ANKRD13D: variants seen among roughly 807,000 people sequenced by gnomAD.
ANKRD13D encodes ankyrin repeat domain-containing protein 13D.
ANKRD13D carries 24 observed loss-of-function variants against 68.8 expected under a neutral mutation model. The ratio of observed to expected loss-of-function variants is 0.35; its 90% CI spans 0.25 to 0.49. The LOEUF (loss-of-function observed/expected upper bound fraction) is 0.49, where lower values mean the gene tolerates loss of function less well. Ranked by LOEUF, ANKRD13D falls within the 20% of genes least tolerant of loss-of-function variation. The probability of loss-of-function intolerance (pLI) is 0.99; values close to 1 mark genes in which losing one functional copy is unlikely to be tolerated. For synonymous variants in ANKRD13D, 331 were observed against 336.1 expected, an observed-to-expected ratio of 0.98 and a Z score of 0.16; for missense variants, 735 against 832.1, an observed-to-expected ratio of 0.88 and a Z score of 1.44.
Position 67,299,364 on chromosome 11 carries a change from C to T in ANKRD13D, c.799-166C>T. On this transcript the variant is annotated intron_variant, in intron 7 of 14. Transcript: ENST00000511455. The surrounding 1 kb of genome is among the most constrained non-coding windows in gnomAD (Gnocchi z 6.2). ...GTTCCTCTTGACCCTGGGGCTGCAT[C>T]TCCTCGTTGGTGACTTCCTGGGGTT... The T allele has an allele frequency of 1.4e-6, 1 of 714,896 alleles. No homozygotes were observed. The highest frequency in any genetic ancestry group is 2.3e-6 in the Non-Finnish European group (1 of 426,548). The allele number at this position is 714,896 out of a possible 1,614,324, so 44.3% of individuals were successfully genotyped here.
chr11:67,302,474 C>T lies in ANKRD13D; in HGVS notation c.*142C>T. 7.8e-7 allele frequency: 1 copy of T among 1,288,864 alleles called. No individual in the cohort carries two copies. Among genetic ancestry groups the T allele is most frequent in the Non-Finnish European group, 1.0e-6 (1 of 971,182 alleles). The allele number at this position is 1,288,864 out of a possible 1,614,324, so 79.8% of individuals were successfully genotyped here. Reference sequence around the variant, plus strand: ...GGAGACTGAGATGGAAATAAAGAGACTGTCGCAGCAGGGCTGCTCTGCTCA... The same window carrying T: ...GGAGACTGAGATGGAAATAAAGAGATTGTCGCAGCAGGGCTGCTCTGCTCA... On this transcript the variant is annotated 3_prime_UTR_variant, in exon 15 of 15. Transcript: ENST00000511455.
chr11:67,293,062 G>C (rs918228050), intron 6 of ANKRD13D, among the ~76,000 whole-genome samples: 1 of 151,994 alleles, frequency 6.6e-6, no homozygotes, highest in Non-Finnish European at 1.5e-5. Flanking sequence ...TAGACATTTG[G>C]GTTATTTGCA....
chr11:67,290,570 G>C, intron 3 of ANKRD13D, 124 bp downstream of exon 3: 2 of 1,414,920 alleles, frequency 1.4e-6, no homozygotes, highest in South Asian at 2.8e-5. Flanking sequence ...CCAGCAAGGA[G>C]GTCTGTCTAT....
chr11:67,293,590 C>T (rs1433546406), intron 6 of ANKRD13D, among the ~76,000 whole-genome samples: 1 of 152,202 alleles, frequency 6.6e-6, no homozygotes, highest in African/African-American at 2.4e-5. Context: ...CACCCTCCAC[C>T]TCCCAGGCTC....
At chr11:67,289,677 C>A in intron 1 of ANKRD13D, 127 bp downstream of exon 1, 1 of 1,279,884 alleles carries the variant, frequency 7.8e-7, no homozygotes, top group East Asian at 2.9e-5. Context: ...GCCTTCCTCC[C>A]CTGCACGATC....
chr11:67,291,399 C>G, intron 3 of ANKRD13D, 77 bp from the exon 4 acceptor site: 24 of 1,062,324 alleles, frequency 2.3e-5, no homozygotes, highest in Non-Finnish European at 2.9e-5. Flanking sequence ...GCTGGGCTGG[C>G]TGTGGACAAG....
In ANKRD13D at chr11:67,302,331, G is replaced by A; in HGVS notation, c.1817G>A (p.Ter606=). 2 of 1,520,250 alleles carry A rather than the reference G, an allele frequency of 1.3e-6. No homozygotes were observed. Among genetic ancestry groups the A allele is most frequent in the Non-Finnish European group, 1.8e-6 (2 of 1,125,814 alleles). 94.2% of individuals were successfully genotyped at this position (1,520,250 alleles called of 1,614,324 possible). The change falls in exon 15 of 15, where the codon TGA becomes TAA. Residue 606 remains the stop codon, a stop_retained_variant. Transcript: ENST00000511455. ...RILQLSLTEH[*] is the part of the protein sequence containing the mutation. ...CTGCAGCTGTCACTCACTGAGCACT[G>A]AGCCATAGCCCCGGGAGGGCTGGCC... is the stretch of plus-strand genomic sequence containing the variant.
intron 5 of ANKRD13D, 70 bp downstream of exon 5, chr11:67,291,816 G>T: frequency 5.1e-6 from 8 of 1,577,580 alleles, no homozygotes; most frequent in Non-Finnish European, 6.9e-6. Context: ...GGACGGTGCT[G>T]CCTTTTCTCT....
chr11:67,301,947 A>G lies in ANKRD13D; in HGVS notation c.1604+124A>G, dbSNP rs771626168. On this transcript the variant is annotated intron_variant, in intron 14 of 14. Coordinates refer to ENST00000511455, the MANE Select transcript of ANKRD13D (RefSeq NM_207354.3). This position sits in a 1 kb window ranked among gnomAD's most constrained non-coding sequence, Gnocchi z 4.5. ...AAGGCCACCCTCTGTCAGCAGCGCT[A>G]TCTGCCACCAAAGGTGGTGTGAGGG... 55 of 1,329,402 alleles carry G rather than the reference A, an allele frequency of 4.1e-5. No individual in the cohort carries two copies. Among genetic ancestry groups the G allele is most frequent in the Non-Finnish European group, 4.9e-5 (48 of 987,382 alleles). 82.4% of individuals were successfully genotyped at this position (1,329,402 alleles called of 1,614,324 possible).
At position 67,292,157 on chromosome 11, in the gene ANKRD13D, C is replaced by T. The variant is rs773964348; in HGVS notation, c.708C>T (p.Asp236=). The change falls in exon 6 of 15, where the codon GAC becomes GAT. Residue 236 remains aspartate (D), a synonymous_variant. Coordinates refer to ENST00000511455, the MANE Select transcript of ANKRD13D (RefSeq NM_207354.3). ...CTCCTATCGTCTCCACCCACCTGGACACTCGTAATGTGGCCTTTGAGAGGT... is the reference window on the plus strand; with the variant it reads ...CTCCTATCGTCTCCACCCACCTGGATACTCGTAATGTGGCCTTTGAGAGGT... ...LTSPIVSTHL[D]TRNVAFERNK... is the part of the protein sequence containing the mutation. 3.1e-6 allele frequency: 5 copies of T among 1,603,340 alleles called. No individual in the cohort carries two copies. The Admixed American group carries it at 6.7e-5, about 22-fold the overall frequency.
rs549149064 is a variant in ANKRD13D, at chr11:67,289,323, T to TGCC, written c.-117_-115dup. The TGCC allele has an allele frequency of 3.0e-4, 113 of 378,172 alleles. No homozygotes were observed. Among genetic ancestry groups the TGCC allele is most frequent in the African/African-American group, 5.8e-4 (26 of 44,640 alleles). The allele number at this position is 378,172 out of a possible 1,614,324, so 23.4% of individuals were successfully genotyped here. ...GCCCCGCCCTCCCTGCCGCCCGCGC[T>TGCC]GCCGCCGCCGCCGCCGCCGCCGCTA... is the stretch of plus-strand genomic sequence containing the variant. On this transcript the variant is annotated 5_prime_UTR_variant, in exon 1 of 15. Coordinates refer to ENST00000511455, the MANE Select transcript of ANKRD13D (RefSeq NM_207354.3).
intron 3 of ANKRD13D, 38 bp from the exon 4 acceptor site, chr11:67,291,438 C>A (rs1391681774): frequency 6.2e-7 from 1 of 1,611,566 alleles, no homozygotes; most frequent in East Asian, 2.2e-5. Flanking sequence ...GAGCCAGCAG[C>A]AGGCAGGGCG....
chr11:67,298,997 G>A, intron 6 of ANKRD13D, 61 bp from the exon 7 acceptor site: 1 of 1,585,454 alleles, frequency 6.3e-7, no homozygotes, highest in South Asian at 1.1e-5. Context: ...CTTTGGAAAG[G>A]AAGGCTTTGG....
chr11:67,302,398 ACT>A lies in ANKRD13D; in HGVS notation c.*71_*72del, dbSNP rs1414204014. On this transcript the variant is annotated 3_prime_UTR_variant, in exon 15 of 15. Coordinates refer to ENST00000511455, the MANE Select transcript of ANKRD13D (RefSeq NM_207354.3). ...GCTTTTGTAATTTATTTATTTATAA[ACT>A]CTCTGCTGCTGAGCTTGGGGCCTGG... is the stretch of plus-strand genomic sequence containing the variant. 3.1e-5 allele frequency: 44 copies of A among 1,436,318 alleles called. No homozygotes were observed. In the South Asian group the frequency reaches 4.0e-4, roughly 13 times the overall value. 89.0% of individuals were successfully genotyped at this position (1,436,318 alleles called of 1,614,324 possible).
chr11:67,300,205 A>G lies in ANKRD13D; in HGVS notation c.1073+82A>G. On this transcript the variant is annotated intron_variant, in intron 10 of 14. Coordinates refer to ENST00000511455, the MANE Select transcript of ANKRD13D (RefSeq NM_207354.3). The surrounding 1 kb of genome is among the most constrained non-coding windows in gnomAD (Gnocchi z 4.3). ...CTCTCTGGGCCTGTCATAGTTAGGG[A>G]CCCACTCCCTCGGCTGGCTTCTCTC... is the stretch of plus-strand genomic sequence containing the variant. The G allele has an allele frequency of 6.4e-7, 1 of 1,573,562 alleles. No individual in the cohort carries two copies. The highest frequency in any genetic ancestry group is 8.7e-7 in the Non-Finnish European group (1 of 1,155,150).
rs1459816421 is a variant in ANKRD13D, at chr11:67,299,692, T to C, written c.880+81T>C. On this transcript the variant is annotated intron_variant, in intron 8 of 14. Transcript: ENST00000511455. The surrounding 1 kb of genome is among the most constrained non-coding windows in gnomAD (Gnocchi z 6.2). ...TGGCCTGGGATTAGGGGCCAGAGTT[T>C]CCCAGGATGAGCTGGGAGGCCTCCC... 2 of 1,530,436 alleles carry C rather than the reference T, an allele frequency of 1.3e-6. No homozygotes were observed. The highest frequency in any genetic ancestry group is 1.4e-5 in the African/African-American group (1 of 72,870). The allele number at this position is 1,530,436 out of a possible 1,614,324, so 94.8% of individuals were successfully genotyped here.
chr11:67,290,011 C>A, intron 1 of ANKRD13D, 67 bp from the exon 2 acceptor site: 1 of 1,491,278 alleles, frequency 6.7e-7, no homozygotes, highest in Non-Finnish European at 8.9e-7. Flanking sequence ...CAACCCTGCT[C>A]GCCCTGGCAG....
Position 67,291,655 on chromosome 11 carries a change from G to T in ANKRD13D, c.450G>T (p.Arg150=), listed in dbSNP as rs1355313171. The change falls in exon 5 of 15, where the codon CGG becomes CGT. Residue 150 remains arginine (R), a synonymous_variant. Transcript: ENST00000511455. ...CPSDVYRVWK[R]GESLRVDTSL... ...GCGATGTGTACCGCGTGTGGAAGCG[G>T]GGTGAGAGCCTGCGAGTAGACACCA... The T allele has an allele frequency of 3.1e-6, 5 of 1,614,016 alleles. No individual in the cohort carries two copies. In the Admixed American group the frequency reaches 5.0e-5, roughly 16 times the overall value.
At position 67,301,924 on chromosome 11, in the gene ANKRD13D, G is replaced by C; in HGVS notation, c.1604+101G>C. On this transcript the variant is annotated intron_variant, in intron 14 of 14. Coordinates refer to ENST00000511455, the MANE Select transcript of ANKRD13D (RefSeq NM_207354.3). This position sits in a 1 kb window ranked among gnomAD's most constrained non-coding sequence, Gnocchi z 4.5. ...TGCTAGGACCCCAGGCCCTCTGCAA[G>C]GCCACCCTCTGTCAGCAGCGCTATC... 9 of 1,387,684 alleles carry C rather than the reference G, an allele frequency of 6.5e-6. No individual in the cohort carries two copies. Among genetic ancestry groups the C allele is most frequent in the Non-Finnish European group, 8.7e-6 (9 of 1,035,936 alleles). The allele number at this position is 1,387,684 out of a possible 1,614,324, so 86.0% of individuals were successfully genotyped here.
Sources: gnomAD v4.1 joint callset for allele counts (sites outside exome capture counted in the v4.1 genomes callset) on GRCh38, gnomAD v4.1.1 for gene constraint, Gnocchi (gnomAD v3.1) non-coding constraint, MANE v1.5 for transcripts, NCBI Gene and HGNC (gene_info 2026-07-23, HGNC 2026-07-21) for gene names.